ITGBL1: variants seen among roughly 807,000 people sequenced by gnomAD.
ITGBL1 encodes the protein integrin beta-like protein 1.
In ITGBL1, 51 loss-of-function variants were observed where a neutral mutation model predicts 68.5. The ratio of observed to expected loss-of-function variants is 0.74; its 90% CI spans 0.59 to 0.94. ITGBL1 has a LOEUF of 0.94. Among genes scored for constraint, ITGBL1 ranks in the 40% least tolerant of loss-of-function variants. ITGBL1 has a pLI of 0.00. For missense variants in ITGBL1, 649 were observed against 647.4 expected, an observed-to-expected ratio of 1.00 and a Z score of -0.03; for synonymous variants, 209 against 227.3, an observed-to-expected ratio of 0.92 and a Z score of 0.72.
intron 2 of ITGBL1, among the ~76,000 whole-genome samples, chr13:101,469,593 T>G (rs1479954246): frequency 2.0e-5 from 3 of 152,132 alleles, no homozygotes; most frequent in South Asian, 2.1e-4. Flanking sequence ...TGAGACAGGA[T>G]AATTGCTTGA....
chr13:101,696,443 T>C (rs2034004010), intron 8 of ITGBL1, among the ~76,000 whole-genome samples: 1 of 152,198 alleles, frequency 6.6e-6, no homozygotes, highest in Non-Finnish European at 1.5e-5. Context: ...GAAAAATTGG[T>C]TTCTTCACAG....
At chr13:101,550,343 A>G (rs1361835720) in intron 2 of ITGBL1, among the ~76,000 whole-genome samples, 3 of 152,172 alleles carry the variant, frequency 2.0e-5, no homozygotes, top group African/African-American at 7.2e-5. Flanking sequence ...GGTCAGGAAT[A>G]CTTACTGCCC....
At chr13:101,595,815 TA>T (rs1257958412) in intron 6 of ITGBL1, among the ~76,000 whole-genome samples, 1 of 152,088 alleles carries the variant, frequency 6.6e-6, no homozygotes, top group Non-Finnish European at 1.5e-5. Context: ...AAAAGAGAAT[TA>T]TATGATCTAG....
chr13:101,564,097 C>T (rs1465611429), intron 2 of ITGBL1, among the ~76,000 whole-genome samples: 1 of 151,694 alleles, frequency 6.6e-6, no homozygotes, highest in Non-Finnish European at 1.5e-5. Flanking sequence ...CAATGCAATC[C>T]CTATCAAAAT....
chr13:101,539,285 G>C (rs1373497484), intron 2 of ITGBL1, among the ~76,000 whole-genome samples: 1 of 146,534 alleles, frequency 6.8e-6, no homozygotes, highest in Non-Finnish European at 1.5e-5. Flanking sequence ...TCCCACCTGT[G>C]AGTGAGAACA....
intron 9 of ITGBL1, among the ~76,000 whole-genome samples, chr13:101,710,214 A>C (rs2034395657): frequency 6.6e-6 from 1 of 152,200 alleles, no homozygotes; most frequent in Non-Finnish European, 1.5e-5. Context: ...TTAAAAGGGA[A>C]TATGAAAGCT....
intron 4 of ITGBL1, among the ~76,000 whole-genome samples, chr13:101,578,210 G>A (rs145120532): frequency 1.4e-4 from 21 of 152,150 alleles, no homozygotes; most frequent in African/African-American, 4.6e-4. Context: ...CTTGCCATTG[G>A]CCAGAAATAC....
At chr13:101,606,173 T>TA (rs1168775762) in intron 7 of ITGBL1, among the ~76,000 whole-genome samples, 1,536 of 62,866 alleles carry the variant, frequency 0.024, 19 homozygotes, top group African/African-American at 0.086. Flanking sequence ...TATTAGGATT[T>TA]TTATATATAT....
chr13:101,463,905 CTTTT>C (rs200070869), intron 2 of ITGBL1, among the ~76,000 whole-genome samples: 12 of 127,444 alleles, frequency 9.4e-5, no homozygotes, highest in African/African-American at 3.1e-4. Flanking sequence ...CATTCTAGTT[CTTTT>C]TTTTTTTTTT....
rs536613470 is a variant in ITGBL1, at chr13:101,696,031, C to T, written c.1132+3330C>T. Reference sequence around the variant, plus strand: ...ATTTTGGCTCCTGTTGGGCGTGCGACTTCTTCTAAGCCAGAAAAGCCTCAA... The same window carrying T: ...ATTTTGGCTCCTGTTGGGCGTGCGATTTCTTCTAAGCCAGAAAAGCCTCAA... On this transcript the variant is annotated intron_variant, in intron 8 of 10. Transcript: ENST00000376180. Among the ~76,000 whole-genome samples the T allele has an allele frequency of 1.4e-4, 22 of 152,294 alleles. No homozygotes were observed. The South Asian group carries it at 3.5e-3, about 24-fold the overall frequency.
chr13:101,580,445 T>TTCA (rs1555360012), intron 5 of ITGBL1, among the ~76,000 whole-genome samples: 57 of 151,210 alleles, frequency 3.8e-4, no homozygotes, highest in African/African-American at 1.3e-3. Flanking sequence ...CTTTTTATTA[T>TTCA]TTATTATTAT....
chr13:101,460,229 C>T (rs372893052), intron 2 of ITGBL1, among the ~76,000 whole-genome samples: 3 of 152,180 alleles, frequency 2.0e-5, no homozygotes, highest in Non-Finnish European at 2.9e-5. Flanking sequence ...GTCTCTGAGT[C>T]GGAGGCACCA....
intron 7 of ITGBL1, among the ~76,000 whole-genome samples, chr13:101,673,112 GA>G: frequency 6.6e-6 from 1 of 152,276 alleles, no homozygotes; most frequent in South Asian, 2.1e-4. Context: ...TTCATGCTGG[GA>G]AAAATTCTTC....
At chr13:101,504,624 A>G (rs757730525) in intron 2 of ITGBL1, among the ~76,000 whole-genome samples, 78 of 152,318 alleles carry the variant, frequency 5.1e-4, no homozygotes, top group Non-Finnish European at 1.2e-4. Context: ...CACGGCCTGT[A>G]TATATATTTT....
chr13:101,597,948 T>C lies in ITGBL1; in HGVS notation c.869-205T>C, dbSNP rs1402074247. Among the ~76,000 whole-genome samples, 9 of 152,160 alleles carry C rather than the reference T, an allele frequency of 5.9e-5. No individual in the cohort carries two copies. The East Asian group carries it at 9.6e-4, about 16-fold the overall frequency. Reference sequence around the variant, plus strand: ...TAGCCTTACTAAACTGTTTATCTTATCTGTTGCTTTTCTCTACCCCTCAAG... The same window carrying C: ...TAGCCTTACTAAACTGTTTATCTTACCTGTTGCTTTTCTCTACCCCTCAAG... On this transcript the variant is annotated intron_variant, in intron 6 of 10. Transcript: ENST00000376180.
chr13:101,588,227 TG>T (rs1319554446), intron 6 of ITGBL1, among the ~76,000 whole-genome samples: 95 of 152,166 alleles, frequency 6.2e-4, no homozygotes, highest in African/African-American at 2.2e-3. Context: ...CCTTTTCGTA[TG>T]GGTATTTTGG....
At chr13:101,689,211 TAAAAAAA>T (rs34627046) in intron 7 of ITGBL1, among the ~76,000 whole-genome samples, 12,643 of 74,912 alleles carry the variant, frequency 0.17, 1,542 homozygotes, top group African/African-American at 0.26. Flanking sequence ...AGACTCTGCC[TAAAAAAA>T]AAAAAAAAAA....
chr13:101,648,307 T>C (rs1217916533), intron 7 of ITGBL1, among the ~76,000 whole-genome samples: 2 of 152,106 alleles, frequency 1.3e-5, no homozygotes, highest in African/African-American at 2.4e-5. Flanking sequence ...TGATATATGT[T>C]TAAGAGAGGA....
At chr13:101,547,621 A>T (rs1262540895) in intron 2 of ITGBL1, among the ~76,000 whole-genome samples, 1 of 151,844 alleles carries the variant, frequency 6.6e-6, no homozygotes, top group African/African-American at 2.4e-5. Flanking sequence ...ATTACATAGA[A>T]CAAATAAGAT....
Sources: gnomAD v4.1 joint callset for allele counts (sites outside exome capture counted in the v4.1 genomes callset) on GRCh38, gnomAD v4.1.1 for gene constraint, MANE v1.5 for transcripts, NCBI Gene and HGNC (gene_info 2026-07-23, HGNC 2026-07-21) for gene names.